The following CELF4 variants were observed in gnomAD, a reference collection of about 807,000 sequenced individuals.
The protein encoded by CELF4 is CUGBP Elav-like family member 4.
CELF4 carries 18 observed loss-of-function variants against 59.9 expected under a neutral mutation model. That is an observed-to-expected ratio of 0.30 (90% CI 0.21 to 0.45). The LOEUF (loss-of-function observed/expected upper bound fraction) is 0.45. Among genes scored for constraint, CELF4 ranks in the 20% least tolerant of loss-of-function variants. The pLI, the probability that CELF4 is intolerant of heterozygous loss-of-function variation, is 1.00. For synonymous variants in CELF4, 261 were observed against 267.1 expected, an observed-to-expected ratio of 0.98 and a Z score of 0.22; for missense variants, 456 against 689.0, an observed-to-expected ratio of 0.66 and a Z score of 3.79.
chr18:37,330,335 A>G (rs1276806888), intron 2 of CELF4, among the ~76,000 whole-genome samples: 1 of 152,196 alleles, frequency 6.6e-6, no homozygotes, highest in Non-Finnish European at 1.5e-5. Context: ...GGAGGAAAGA[A>G]TGAACCCTTG....
intron 2 of CELF4, among the ~76,000 whole-genome samples, chr18:37,454,577 G>A (rs556134991): frequency 3.8e-4 from 58 of 152,114 alleles, no homozygotes; most frequent in African/African-American, 1.4e-3. Context: ...TCACACCCCC[G>A]CAATAAGCAA....
intron 2 of CELF4, among the ~76,000 whole-genome samples, chr18:37,365,481 A>ATTTTTTTTTTTTTTT (rs10670336): frequency 1.0e-5 from 1 of 97,766 alleles, no homozygotes; most frequent in Non-Finnish European, 1.9e-5. Context: ...GGATGGGGCA[A>ATTTTTTTTTTTTTTT]TTTTTTTTTT....
In CELF4 at chr18:37,321,795, G is replaced by T. The variant is rs760392325; in HGVS notation, c.448+8C>A. On this transcript the variant is annotated splice_region_variant and intron_variant, in intron 3 of 12. Transcript: ENST00000420428. Reference sequence around the variant, plus strand: ...GAGGGGGAGGGGCAGAGACAAGTGGGCCCTCACGTGAAGGGGGCTGGCGCA... The same window carrying T: ...GAGGGGGAGGGGCAGAGACAAGTGGTCCCTCACGTGAAGGGGGCTGGCGCA... 3 of 1,601,758 alleles carry T rather than the reference G, an allele frequency of 1.9e-6. No homozygotes were observed. The highest frequency in any genetic ancestry group is 2.6e-6 in the Non-Finnish European group (3 of 1,170,984).
intron 2 of CELF4, among the ~76,000 whole-genome samples, chr18:37,361,867 G>T (rs2098708868): frequency 7.2e-6 from 1 of 139,158 alleles, no homozygotes; most frequent in African/African-American, 2.6e-5. Context: ...AGGGAGGGGG[G>T]CGGGGGATTC....
At chr18:37,544,169 T>C (rs1419215990) in intron 1 of CELF4, among the ~76,000 whole-genome samples, 5 of 98,950 alleles carry the variant, frequency 5.1e-5, no homozygotes, top group Non-Finnish European at 1.1e-4. Flanking sequence ...TTTTTTTTTT[T>C]CATTTGTTCA....
intron 2 of CELF4, among the ~76,000 whole-genome samples, chr18:37,346,859 C>G (rs2098278435): frequency 6.6e-6 from 1 of 152,058 alleles, no homozygotes; most frequent in Non-Finnish European, 1.5e-5. Flanking sequence ...GTCAGCGGCC[C>G]CATGATCCCA....
chr18:37,417,359 G>C (rs150751067), intron 2 of CELF4, among the ~76,000 whole-genome samples: 36 of 152,324 alleles, frequency 2.4e-4, no homozygotes, highest in African/African-American at 7.9e-4. Flanking sequence ...CAATGGCCCA[G>C]AGACAGAGCA....
chr18:37,508,143 G>T (rs1326627661), intron 1 of CELF4, among the ~76,000 whole-genome samples: 2 of 152,118 alleles, frequency 1.3e-5, no homozygotes, highest in African/African-American at 4.8e-5. Flanking sequence ...TCCCTGGCTT[G>T]GCTGAAGTCT....
chr18:37,345,014 A>T (rs1277880783), intron 2 of CELF4, among the ~76,000 whole-genome samples: 1 of 152,178 alleles, frequency 6.6e-6, no homozygotes, highest in African/African-American at 2.4e-5. Context: ...AGATGACCCA[A>T]GTCCATGTTT....
At chr18:37,323,535 G>A (rs188691719) in intron 2 of CELF4, among the ~76,000 whole-genome samples, 14 of 152,304 alleles carry the variant, frequency 9.2e-5, no homozygotes, top group African/African-American at 2.9e-4. Flanking sequence ...AGGGGCTCCA[G>A]GAGGGAGCCA....
intron 2 of CELF4, among the ~76,000 whole-genome samples, chr18:37,416,808 G>A (rs887653674): frequency 5.9e-5 from 9 of 152,172 alleles, no homozygotes; most frequent in Non-Finnish European, 8.8e-5. Context: ...TCTGTCCTGT[G>A]TTGAGAAGGC....
intron 2 of CELF4, among the ~76,000 whole-genome samples, chr18:37,422,487 C>A (rs1786788): frequency 0.26 from 39,867 of 152,110 alleles, 5,483 homozygotes; most frequent in Middle Eastern, 0.41. Context: ...CAAAGTCAGC[C>A]CTGCAAGTGT....
chr18:37,338,448 G>A (rs930732080), intron 2 of CELF4, among the ~76,000 whole-genome samples: 3 of 151,052 alleles, frequency 2.0e-5, no homozygotes, highest in African/African-American at 7.4e-5. Context: ...TGTCACCACT[G>A]TCACTACCAC....
intron 1 of CELF4, among the ~76,000 whole-genome samples, chr18:37,555,566 G>A (rs1372257087): frequency 6.6e-6 from 1 of 152,084 alleles, no homozygotes; most frequent in Non-Finnish European, 1.5e-5. Flanking sequence ...ATAATTTCCG[G>A]CTATTGCTGT....
chr18:37,363,618 G>A (rs892732284), intron 2 of CELF4, among the ~76,000 whole-genome samples: 4 of 152,186 alleles, frequency 2.6e-5, no homozygotes, highest in Non-Finnish European at 5.9e-5. Context: ...TAGAAAGAAT[G>A]GTAAGATTTT....
At chr18:37,312,137 A>AAAAGAAAAG (rs2096691219) in intron 3 of CELF4, among the ~76,000 whole-genome samples, 6 of 141,310 alleles carry the variant, frequency 4.2e-5, no homozygotes, top group Non-Finnish European at 7.6e-5. Context: ...AAAAGAAAAA[A>AAAAGAAAAG]AAAAAAAGAA....
intron 1 of CELF4, among the ~76,000 whole-genome samples, chr18:37,564,236 C>T (rs1166746700): frequency 6.6e-6 from 1 of 152,148 alleles, no homozygotes; most frequent in Non-Finnish European, 1.5e-5. Flanking sequence ...TTTAACTTGC[C>T]CACATAGATC....
chr18:37,564,981 G>A (rs2099987732), intron 1 of CELF4, among the ~76,000 whole-genome samples: 1 of 152,110 alleles, frequency 6.6e-6, no homozygotes, highest in Non-Finnish European at 1.5e-5. Flanking sequence ...CGGCCGGCCA[G>A]GAGCCCGCGA....
At chr18:37,292,560 G>T (rs566033324) in intron 3 of CELF4, among the ~76,000 whole-genome samples, 1 of 152,312 alleles carries the variant, frequency 6.6e-6, no homozygotes, top group African/African-American at 2.4e-5. Context: ...ACGCGGGCAG[G>T]CCAGGTACTT....
Sources: allele counts gnomAD v4.1 joint callset (sites outside exome capture counted in the v4.1 genomes callset), GRCh38; gene constraint gnomAD v4.1.1; transcripts MANE v1.5; gene names NCBI Gene and HGNC (gene_info 2026-07-23, HGNC 2026-07-21).